Variants in ITGB8 observed in about 807,000 individuals in gnomAD.
ITGB8 encodes integrin beta-8.
A neutral mutation model predicts 89.5 loss-of-function variants in ITGB8; 30 were observed. The observed-to-expected ratio is 0.34, with a 90% CI of 0.25 to 0.45. ITGB8 has a LOEUF of 0.45. Ranked by LOEUF, ITGB8 falls within the 20% of genes least tolerant of loss-of-function variation. ITGB8 has a pLI of 1.00. For synonymous variants in ITGB8, 335 were observed against 320.4 expected (o/e 1.05, Z -0.49); for missense variants, 836 against 933.3 (o/e 0.90, Z 1.36).
chr7:20,340,243 A>G (rs1317903442), intron 1 of ITGB8, among the ~76,000 whole-genome samples: 1 of 152,216 alleles, frequency 6.6e-6, no homozygotes, highest in Non-Finnish European at 1.5e-5. Flanking sequence ...GCTATTCCAG[A>G]TAAATATTGG....
chr7:20,378,742 G>C (rs565833753), intron 3 of ITGB8, among the ~76,000 whole-genome samples: 6 of 152,114 alleles, frequency 3.9e-5, no homozygotes, highest in African/African-American at 1.4e-4. Flanking sequence ...TTCATATAAT[G>C]ATACAATACC....
chr7:20,381,183 G>C (rs925243447), intron 5 of ITGB8: 2 of 166,032 alleles, frequency 1.2e-5, no homozygotes, highest in African/African-American at 4.9e-5. Context: ...TTTTTTTTGA[G>C]ACGGAGTCTC....
Position 20,409,770 on chromosome 7 carries a change from T to A in ITGB8, c.2179T>A (p.Ser727Thr). The A allele has an allele frequency of 6.2e-7, 1 of 1,612,606 alleles. No homozygotes were observed. The highest frequency in any genetic ancestry group is 8.5e-7 in the Non-Finnish European group (1 of 1,179,310). The change falls in exon 13 of 14, where the codon TCA (serine) becomes ACA (threonine). Residue 727 changes from serine (S) to threonine (T), a missense_variant. Physicochemically the swap from Ser to Thr is moderately conservative, Grantham distance 58. Around this residue, in one of 5 missense-constraint regions of ITGB8, gnomAD observed 422 missense variants for 416.9 expected, o/e 1.01. Coordinates refer to ENST00000222573, the MANE Select transcript of ITGB8 (RefSeq NM_002214.3). ...CTCATCAGATTACAGAGTGTCAGCCTCAAAAAAGGTCAGTGAATTCTAAAA... is the reference window on the plus strand; with the variant it reads ...CTCATCAGATTACAGAGTGTCAGCCACAAAAAAGGTCAGTGAATTCTAAAA... ...KSSSDYRVSA[S>T]KKDKLILQSV...
chr7:20,380,629 G>A, intron 4 of ITGB8, 37 bp from the exon 5 acceptor site: 1 of 1,573,228 alleles, frequency 6.4e-7, no homozygotes, highest in Non-Finnish European at 8.7e-7. Context: ...CTTAAGAAGA[G>A]CAAAATAAAC....
intron 6 of ITGB8, among the ~76,000 whole-genome samples, chr7:20,386,448 C>T (rs988814374): frequency 6.7e-5 from 8 of 119,106 alleles, no homozygotes; most frequent in South Asian, 5.4e-4. Context: ...TTAGTAGAGA[C>T]GGGGTTTCAC....
At chr7:20,388,199 T>C (rs1308992085) in intron 6 of ITGB8, among the ~76,000 whole-genome samples, 1 of 152,220 alleles carries the variant, frequency 6.6e-6, no homozygotes, top group Non-Finnish European at 1.5e-5. Context: ...ACAGCCTTAA[T>C]TACTTAGCAG....
intron 1 of ITGB8, among the ~76,000 whole-genome samples, chr7:20,336,399 C>T (rs761067660): frequency 2.0e-5 from 3 of 152,212 alleles, no homozygotes; most frequent in Admixed American, 6.5e-5. Context: ...TTGTGTAAAC[C>T]ATGTCTCCAC....
chr7:20,370,816 G>T (rs957485872), intron 3 of ITGB8, among the ~76,000 whole-genome samples: 7 of 152,024 alleles, frequency 4.6e-5, no homozygotes, highest in African/African-American at 1.7e-4. Context: ...GTTTCACCAT[G>T]TTGGCCAGAC....
In ITGB8 at chr7:20,331,307, C is replaced by T; in HGVS notation, c.-500C>T. 1 of 373,226 alleles carries T rather than the reference C, an allele frequency of 2.7e-6. No individual in the cohort carries two copies. Among genetic ancestry groups the T allele is most frequent in the Non-Finnish European group, 4.8e-6 (1 of 210,386 alleles). The allele number at this position is 373,226 out of a possible 1,614,324, so 23.1% of individuals were successfully genotyped here. On this transcript the variant is annotated 5_prime_UTR_variant, in exon 1 of 14. Coordinates refer to ENST00000222573, the MANE Select transcript of ITGB8 (RefSeq NM_002214.3). ...TTGATGCGCCACAGACTTTTTTCCC[C>T]TCGACCTCGCCGGCGTCCCCTCCCA...
Position 20,394,923 on chromosome 7 carries a change from A to G in ITGB8, c.1084A>G (p.Ile362Val). 6.2e-7 allele frequency: 1 copy of G among 1,613,648 alleles called. No individual in the cohort carries two copies. The highest frequency in any genetic ancestry group is 8.5e-7 in the Non-Finnish European group (1 of 1,179,582). The change falls in exon 8 of 14, where the codon ATT becomes GTT. Residue 362 changes from isoleucine (I) to valine (V), a missense_variant. Transcript: ENST00000222573. ...TCTTCTACCCCTCTTGCCAGGCACCATTGCTGGTGAAATAGAATCAAAGGC... is the reference window on the plus strand; with the variant it reads ...TCTTCTACCCCTCTTGCCAGGCACCGTTGCTGGTGAAATAGAATCAAAGGC... ...KDLLPLLPGT[I>V]AGEIESKAAN...
chr7:20,350,558 G>C (rs1322554276), intron 1 of ITGB8, among the ~76,000 whole-genome samples: 3 of 152,162 alleles, frequency 2.0e-5, no homozygotes, highest in African/African-American at 7.2e-5. Flanking sequence ...CACCAATCAT[G>C]TCATTGTAAG....
chr7:20,401,643 AGTTATTAACAGATATAATATTG>A, intron 9 of ITGB8, 56 bp from the exon 10 acceptor site: 3 of 804,334 alleles, frequency 3.7e-6, no homozygotes, highest in Non-Finnish European at 5.4e-6. Flanking sequence ...TTATCAATTC[AGTTATTAACAGATATAATATTG>A]GTAATAAAAA....
chr7:20,358,786 G>GTTTAGGGTAC (rs1294312968), intron 1 of ITGB8, among the ~76,000 whole-genome samples: 2 of 152,120 alleles, frequency 1.3e-5, no homozygotes, highest in African/African-American at 4.8e-5. Flanking sequence ...TGATGCTGAG[G>GTTTAGGGTAC]TTTAGGGTAC....
chr7:20,354,210 A>G (rs1176028015), intron 1 of ITGB8, among the ~76,000 whole-genome samples: 1 of 152,186 alleles, frequency 6.6e-6, no homozygotes, highest in Non-Finnish European at 1.5e-5. Flanking sequence ...CAAGGCTCAT[A>G]TACTGGGTAT....
At chr7:20,344,968 A>G (rs1784875196) in intron 1 of ITGB8, among the ~76,000 whole-genome samples, 1 of 152,216 alleles carries the variant, frequency 6.6e-6, no homozygotes, top group Non-Finnish European at 1.5e-5. Context: ...GAGAGACAAG[A>G]CATTTGACAA....
chr7:20,330,274 G>A (rs1784329404), upstream of ITGB8, among the ~76,000 whole-genome samples: 1 of 152,230 alleles, frequency 6.6e-6, no homozygotes. Flanking sequence ...GTGGGGTAGA[G>A]GACGAGCTCC....
At chr7:20,406,528 C>A (rs1428087149) in intron 12 of ITGB8, among the ~76,000 whole-genome samples, 1 of 136,048 alleles carries the variant, frequency 7.4e-6, no homozygotes, top group Non-Finnish European at 1.5e-5. Flanking sequence ...GCAGCCTGGG[C>A]AACAAGAGAG....
At chr7:20,368,760 T>A (rs1785809689) in intron 3 of ITGB8, among the ~76,000 whole-genome samples, 1 of 152,226 alleles carries the variant, frequency 6.6e-6, no homozygotes, top group Non-Finnish European at 1.5e-5. Flanking sequence ...ATATAAGCTG[T>A]ATTTTAACGT....
At chr7:20,392,950 A>G (rs1786923289) in intron 7 of ITGB8, among the ~76,000 whole-genome samples, 1 of 152,208 alleles carries the variant, frequency 6.6e-6, no homozygotes, top group African/African-American at 2.4e-5. Flanking sequence ...CACTTATTGT[A>G]CACTTAACTA....
Sources: gnomAD v4.1 joint callset for allele counts (sites outside exome capture counted in the v4.1 genomes callset) on GRCh38, gnomAD v4.1.1 for gene constraint, gnomAD v4.1.1 regional missense constraint, MANE v1.5 for transcripts, NCBI Gene and HGNC (gene_info 2026-07-23, HGNC 2026-07-21) for gene names.